Variants in RNF150 observed in about 807,000 individuals in gnomAD.
The protein encoded by RNF150 is ring finger protein 150.
A neutral mutation model predicts 39.3 loss-of-function variants in RNF150; 24 were observed. The ratio of observed to expected loss-of-function variants is 0.61; its 90% CI spans 0.44 to 0.86. The LOEUF is 0.86. Ranked by LOEUF, RNF150 falls within the 40% of genes least tolerant of loss-of-function variation. The pLI is 0.00. For missense variants in RNF150, 502 were observed against 587.8 expected, an observed-to-expected ratio of 0.85 and a Z score of 1.51; for synonymous variants, 255 against 227.3, an observed-to-expected ratio of 1.12 and a Z score of -1.10.
At position 141,166,663 on chromosome 4, in the gene RNF150, C is replaced by T. The variant is rs573230824; in HGVS notation, c.-6+46131G>A. Among the ~76,000 whole-genome samples the T allele has an allele frequency of 1.9e-4, 29 of 152,226 alleles. No homozygotes were observed. In the East Asian group the frequency reaches 4.8e-3, roughly 25 times the overall value. ...CATATGCAAATGAATAAACATAATC[C>T]ATCATATAAACAGATCCAATGACAA... On this transcript the variant is annotated intron_variant, in intron 1 of 7. Transcript: ENST00000420921.
intron 4 of RNF150, chr4:140,944,693 A>G (rs1732216940): frequency 1.3e-5 from 2 of 152,214 alleles, no homozygotes; most frequent in Non-Finnish European, 2.9e-5. Context: ...TGCACCAAGA[A>G]TGTCAGCAGT....
chr4:141,032,499 T>C (rs1735986512), intron 1 of RNF150, among the ~76,000 whole-genome samples: 1 of 152,204 alleles, frequency 6.6e-6, no homozygotes, highest in Non-Finnish European at 1.5e-5. Context: ...ATGAATATGT[T>C]ACCTCTGTGG....
chr4:141,030,599 A>G (rs1735907185), intron 1 of RNF150, among the ~76,000 whole-genome samples: 1 of 152,240 alleles, frequency 6.6e-6, no homozygotes, highest in African/African-American at 2.4e-5. Context: ...GTTTACACAT[A>G]TAAAGGACTA....
chr4:141,092,975 A>C (rs1385068479), intron 1 of RNF150, among the ~76,000 whole-genome samples: 2 of 152,152 alleles, frequency 1.3e-5, no homozygotes, highest in African/African-American at 4.8e-5. Context: ...CTGAAGGGCC[A>C]TTGCCCTGAG....
chr4:141,184,867 CTG>C (rs61134992), intron 1 of RNF150, among the ~76,000 whole-genome samples: 1,517 of 147,922 alleles, frequency 0.01, 28 homozygotes, highest in African/African-American at 0.036. Context: ...GTCTATATAT[CTG>C]TGTGTGTGTG....
intron 1 of RNF150, among the ~76,000 whole-genome samples, chr4:140,990,798 C>T (rs1052387289): frequency 6.6e-6 from 1 of 152,048 alleles, no homozygotes; most frequent in Non-Finnish European, 1.5e-5. Flanking sequence ...AATGAACATA[C>T]GTGTGCATGT....
At chr4:140,960,615 A>G (rs1259707772) in intron 2 of RNF150, among the ~76,000 whole-genome samples, 3 of 152,140 alleles carry the variant, frequency 2.0e-5, no homozygotes, top group Non-Finnish European at 4.4e-5. Flanking sequence ...TTGATCAACA[A>G]TGGCCAATAA....
chr4:141,028,847 T>A (rs1226027080), intron 1 of RNF150, among the ~76,000 whole-genome samples: 1 of 152,100 alleles, frequency 6.6e-6, no homozygotes, highest in Non-Finnish European at 1.5e-5. Flanking sequence ...AACTTGAGAG[T>A]AGAACCCACA....
chr4:141,132,601 C>T lies in RNF150; in HGVS notation c.208G>A (p.Glu70Lys). 1 of 1,560,090 alleles carries T rather than the reference C, an allele frequency of 6.4e-7. No homozygotes were observed. Among genetic ancestry groups the T allele is most frequent in the Non-Finnish European group, 8.7e-7 (1 of 1,153,206 alleles). Residue 70 changes from glutamate (E) to lysine (K), a missense_variant, in exon 1 of 7, where the codon GAG (glutamate) becomes AAG (lysine). Glu to Lys is a moderately conservative substitution (Grantham distance 56). Transcript: ENST00000515673. The surrounding 1 kb of genome is among the most constrained non-coding windows in gnomAD (Gnocchi z 4.9). ...AGGGGAELHT[E>K]KTECGRYGEH... ...CCGTAGCGCCCGCACTCCGTCTTCT[C>T]CGTGTGCAGCTCCGCGCCGCCGCCG...
chr4:141,180,519 G>T (rs995578313), intron 1 of RNF150, among the ~76,000 whole-genome samples: 33 of 152,072 alleles, frequency 2.2e-4, no homozygotes, highest in Admixed American at 6.6e-5. Flanking sequence ...GGTACAAAAT[G>T]GTCTGCAATC....
intron 1 of RNF150, among the ~76,000 whole-genome samples, chr4:141,129,070 A>G (rs1020791655): frequency 1.3e-5 from 2 of 152,256 alleles, no homozygotes; most frequent in African/African-American, 4.8e-5. Context: ...AAGGTCCTCA[A>G]AAGATTAAAT....
At chr4:141,073,247 A>G (rs1737772754) in intron 1 of RNF150, among the ~76,000 whole-genome samples, 1 of 152,122 alleles carries the variant, frequency 6.6e-6, no homozygotes, top group Non-Finnish European at 1.5e-5. Context: ...GCGAAGGGTC[A>G]AGGAAAATGG....
chr4:140,905,889 G>A (rs900647262), intron 6 of RNF150, among the ~76,000 whole-genome samples: 1 of 152,080 alleles, frequency 6.6e-6, no homozygotes, highest in Non-Finnish European at 1.5e-5. Context: ...AGGTGAATGG[G>A]GTTAATGTGG....
At chr4:141,138,488 ACATTAC>A (rs2111122174) in intron 1 of RNF150, among the ~76,000 whole-genome samples, 1 of 152,346 alleles carries the variant, frequency 6.6e-6, no homozygotes, top group East Asian at 1.9e-4. Context: ...TAGAGAATTC[ACATTAC>A]TTTATGTGTA....
intron 1 of RNF150, among the ~76,000 whole-genome samples, chr4:141,065,257 C>T (rs554411460): frequency 1.3e-5 from 2 of 152,292 alleles, no homozygotes; most frequent in African/African-American, 4.8e-5. Flanking sequence ...ACCCTTACGT[C>T]CTGGGTTACT....
rs1431864940 is a variant in RNF150 at position 140,921,199 on chromosome 4, A to AATAAT, written c.987+4777_987+4778insATTAT. On this transcript the variant is annotated intron_variant, in intron 5 of 6. Coordinates refer to ENST00000515673, the MANE Select transcript of RNF150 (RefSeq NM_020724.2). ...GTATAATAATAATAATAATAATAAT[A>AATAAT]ATATAATTGATAGACCGCTAGCAAG... Among the ~76,000 whole-genome samples, 193 of 132,518 alleles carry AATAAT rather than the reference A, an allele frequency of 1.5e-3. 2 individuals carry two copies. The highest frequency in any genetic ancestry group is 5.1e-3 in the African/African-American group (184 of 36,272). The allele number at this position is 132,518 out of a possible 152,430, so 86.9% of individuals were successfully genotyped here.
In RNF150 at chr4:141,132,741, A is replaced by C. The variant is rs759133138; in HGVS notation, c.68T>G (p.Phe23Cys). ...AAAGTCCAGGCAGAGCAGATGCACG[A>C]AACAAAAGGAAAGCAGCCATGTTGA... ...ALSTWLLSFC[F>C]VHLLCLDFTV... The change falls in exon 1 of 7, where the codon TTC (phenylalanine) becomes TGC (cysteine). Residue 23 changes from phenylalanine (F) to cysteine (C), a missense_variant. Coordinates refer to ENST00000515673, the MANE Select transcript of RNF150 (RefSeq NM_020724.2). The surrounding 1 kb of genome is among the most constrained non-coding windows in gnomAD (Gnocchi z 4.9). 134 of 1,610,432 alleles carry C rather than the reference A, an allele frequency of 8.3e-5. 1 individual carries two copies. Among genetic ancestry groups the C allele is most frequent in the Non-Finnish European group, 1.1e-4 (126 of 1,178,688 alleles).
intron 6 of RNF150, among the ~76,000 whole-genome samples, chr4:140,886,768 T>C (rs1015587279): frequency 5.9e-5 from 9 of 152,168 alleles, no homozygotes; most frequent in Non-Finnish European, 1.5e-5. Context: ...TACAGGTGCG[T>C]ACCACCACAG....
intron 1 of RNF150, among the ~76,000 whole-genome samples, chr4:141,074,538 G>C (rs1422385505): frequency 1.3e-5 from 2 of 152,126 alleles, no homozygotes; most frequent in East Asian, 3.9e-4. Context: ...TCAGTAGGAG[G>C]TTCTACCACC....
Sources: gnomAD v4.1 joint callset for allele counts (sites outside exome capture counted in the v4.1 genomes callset) on GRCh38, gnomAD v4.1.1 for gene constraint, Gnocchi (gnomAD v3.1) non-coding constraint, MANE v1.5 for transcripts, NCBI Gene and HGNC (gene_info 2026-07-23, HGNC 2026-07-21) for gene names.